Variants in APELA observed in about 807,000 individuals in gnomAD.
The protein encoded by APELA is apelin receptor early endogenous ligand.
intron 2 of APELA, among the ~76,000 whole-genome samples, chr4:164,894,566 A>G (rs1341573179): frequency 6.6e-6 from 1 of 151,908 alleles, no homozygotes; most frequent in East Asian, 1.9e-4. Flanking sequence ...CACCATGCCC[A>G]GCTAAATTTT....
At chr4:164,890,382 T>C (rs1730856708) in intron 2 of APELA, among the ~76,000 whole-genome samples, 1 of 152,182 alleles carries the variant, frequency 6.6e-6, no homozygotes, top group African/African-American at 2.4e-5. Context: ...AACCCCATTC[T>C]CATTAGCAGG....
intron 2 of APELA, among the ~76,000 whole-genome samples, chr4:164,890,510 T>C (rs1730859352): frequency 6.6e-6 from 1 of 152,212 alleles, no homozygotes; most frequent in Non-Finnish European, 1.5e-5. Context: ...TATGTGGTCT[T>C]TGTAATTAGC....
intron 2 of APELA, among the ~76,000 whole-genome samples, chr4:164,884,148 A>AAAGAAAGAAAGG (rs1730721552): frequency 2.0e-5 from 3 of 149,194 alleles, no homozygotes; most frequent in Non-Finnish European, 3.0e-5. Context: ...AGAAAGAAAG[A>AAAGAAAGAAAGG]AAGAAAGAAA....
At chr4:164,892,493 C>A (rs1217478282) in intron 2 of APELA, among the ~76,000 whole-genome samples, 2 of 152,084 alleles carry the variant, frequency 1.3e-5, no homozygotes, top group African/African-American at 4.8e-5. Flanking sequence ...CCCACTAAAT[C>A]ATAATGTTCT....
intron 2 of APELA, among the ~76,000 whole-genome samples, chr4:164,891,153 A>G (rs1167182406): frequency 1.3e-5 from 2 of 152,134 alleles, no homozygotes; most frequent in Non-Finnish European, 2.9e-5. Flanking sequence ...CTGAAATATG[A>G]TGTGCAAATA....
At chr4:164,882,329 C>A (rs189261437) in intron 2 of APELA, among the ~76,000 whole-genome samples, 230 of 151,912 alleles carry the variant, frequency 1.5e-3, no homozygotes, top group African/African-American at 5.2e-3. Flanking sequence ...TCTCGAACTC[C>A]CGACCTCAGG....
intron 2 of APELA, among the ~76,000 whole-genome samples, chr4:164,881,774 C>T (rs906605207): frequency 3.3e-5 from 5 of 151,880 alleles, no homozygotes; most frequent in African/African-American, 1.2e-4. Context: ...GTGGCTCATG[C>T]CTATAATCCC....
intron 2 of APELA, among the ~76,000 whole-genome samples, chr4:164,886,827 CT>C (rs112300127): frequency 0.11 from 16,418 of 147,250 alleles, 918 homozygotes; most frequent in Middle Eastern, 0.16. Flanking sequence ...CTTTTCTTTT[CT>C]TTTTTTTTTG....
At chr4:164,888,985 A>G (rs79995503) in intron 2 of APELA, among the ~76,000 whole-genome samples, 4 of 151,500 alleles carry the variant, frequency 2.6e-5, no homozygotes, top group Admixed American at 1.3e-4. Flanking sequence ...GTGTGTGTGT[A>G]TGTGTGTGTG....
At chr4:164,895,010 C>A (rs927164882) in intron 2 of APELA, among the ~76,000 whole-genome samples, 4 of 152,136 alleles carry the variant, frequency 2.6e-5, no homozygotes, top group African/African-American at 9.7e-5. Context: ...AAGCAGCCTT[C>A]ATGTCTTCAG....
chr4:164,880,021 T>C (rs559521928), intron 2 of APELA, among the ~76,000 whole-genome samples: 4 of 152,342 alleles, frequency 2.6e-5, no homozygotes. Context: ...TTTAAGTCAC[T>C]TCATACTAAA....
chr4:164,881,246 C>A (rs1438524572), intron 2 of APELA, among the ~76,000 whole-genome samples: 1 of 152,124 alleles, frequency 6.6e-6, no homozygotes, highest in Non-Finnish European at 1.5e-5. Flanking sequence ...TCACTTCTTC[C>A]CCTCTAATTT....
chr4:164,882,353 C>T (rs889233856), intron 2 of APELA, among the ~76,000 whole-genome samples: 5 of 152,028 alleles, frequency 3.3e-5, no homozygotes, highest in Non-Finnish European at 5.9e-5. Context: ...TCTGCCCCCC[C>T]TCAGACTCCC....
chr4:164,885,175 G>A (rs1168378075), intron 2 of APELA, among the ~76,000 whole-genome samples: 1 of 152,080 alleles, frequency 6.6e-6, no homozygotes, highest in African/African-American at 2.4e-5. Context: ...CTGTCGCCCA[G>A]GCTGGAGTGC....
At chr4:164,884,121 G>GAAAGAGAA (rs5863729) in intron 2 of APELA, among the ~76,000 whole-genome samples, 5 of 113,378 alleles carry the variant, frequency 4.4e-5, no homozygotes, top group South Asian at 2.9e-4. Context: ...AAGAAAGAAA[G>GAAAGAGAA]AGAAAGAAAG....
intron 2 of APELA, among the ~76,000 whole-genome samples, chr4:164,884,588 G>T (rs1730732553): frequency 6.6e-6 from 1 of 152,008 alleles, no homozygotes; most frequent in South Asian, 2.1e-4. Flanking sequence ...TAAGAGTTAA[G>T]ACTGTGTTTG....
intron 2 of APELA, among the ~76,000 whole-genome samples, chr4:164,883,888 A>G (rs1579108262): frequency 6.7e-6 from 1 of 148,208 alleles, no homozygotes; most frequent in East Asian, 2.0e-4. Flanking sequence ...CAGAATGTTC[A>G]ATATGTCAAC....
At chr4:164,888,395 G>A (rs1021573149) in intron 2 of APELA, among the ~76,000 whole-genome samples, 2 of 152,200 alleles carry the variant, frequency 1.3e-5, no homozygotes, top group Non-Finnish European at 2.9e-5. Flanking sequence ...CTGAAGGCAG[G>A]CTATCTAGAA....
Position 164,897,009 on chromosome 4 carries a change from G to A in APELA, c.*1595G>A, listed in dbSNP as rs909339616. 1 of 152,062 alleles carries A rather than the reference G, an allele frequency of 6.6e-6. No homozygotes were observed. The highest frequency in any genetic ancestry group is 2.4e-5 in the African/African-American group (1 of 41,380). The allele number at this position is 152,062 out of a possible 1,614,324, so 9.4% of individuals were successfully genotyped here. On this transcript the variant is annotated 3_prime_UTR_variant, in exon 3 of 3. Transcript: ENST00000507152. ...AGGTTGGTCTCAAACTCAGGCTGGT[G>A]AGCTCAAGTGATCCGCCTCCTTGGC...
Sources: gnomAD v4.1 joint callset for allele counts (sites outside exome capture counted in the v4.1 genomes callset) on GRCh38, gnomAD v4.1.1 for gene constraint, MANE v1.5 for transcripts, NCBI Gene and HGNC (gene_info 2026-07-23, HGNC 2026-07-21) for gene names.